The following CHST15 variants were observed in gnomAD, a reference collection of about 807,000 sequenced individuals.
CHST15 encodes the protein carbohydrate sulfotransferase 15.
A neutral mutation model predicts 53.6 loss-of-function variants in CHST15; 30 were observed. That is an observed-to-expected ratio of 0.56 (90% confidence interval 0.42 to 0.76). The LOEUF (loss-of-function observed/expected upper bound fraction) is 0.76, where lower values mean the gene tolerates loss of function less well. CHST15 is among the 30% of genes least tolerant of loss of function. CHST15 has a pLI of 0.00. For missense variants in CHST15, 627 were observed against 740.5 expected (o/e 0.85, Z 1.78); for synonymous variants, 296 against 289.8 (o/e 1.02, Z -0.22).
chr10:124,083,220 G>A (rs1199764904), intron 1 of CHST15, among the ~76,000 whole-genome samples: 1 of 152,134 alleles, frequency 6.6e-6, no homozygotes, highest in East Asian at 1.9e-4. Context: ...CACTTCTGCG[G>A]CTTCCTAAGT....
chr10:124,047,362 G>A lies in CHST15; in HGVS notation c.-512-638C>T, dbSNP rs530597543. On this transcript the variant is annotated intron_variant, in intron 1 of 7. Transcript: ENST00000435907. Reference sequence around the variant, plus strand: ...AAACTACTTGACTTTAAGTTATTAAGCAATTAAATCCAATGTATAGGATTC... The same window carrying A: ...AAACTACTTGACTTTAAGTTATTAAACAATTAAATCCAATGTATAGGATTC... Among the ~76,000 whole-genome samples the A allele has an allele frequency of 1.5e-3, 234 of 152,276 alleles. 2 individuals carry two copies. Among genetic ancestry groups the A allele is most frequent in the African/African-American group, 5.3e-3 (220 of 41,554 alleles).
intron 1 of CHST15, among the ~76,000 whole-genome samples, chr10:124,089,197 T>C (rs947204491): frequency 3.3e-5 from 5 of 152,146 alleles, no homozygotes; most frequent in African/African-American, 1.2e-4. Flanking sequence ...GCTGCGTGAT[T>C]CTCACCAGTG....
At chr10:124,055,921 G>C (rs1186269058) in intron 1 of CHST15, among the ~76,000 whole-genome samples, 1 of 152,148 alleles carries the variant, frequency 6.6e-6, no homozygotes, top group East Asian at 1.9e-4. Flanking sequence ...CAACAATGAT[G>C]GTGGGTACAC....
chr10:124,070,193 C>T (rs1948870301), intron 1 of CHST15, among the ~76,000 whole-genome samples: 2 of 152,236 alleles, frequency 1.3e-5, no homozygotes, highest in South Asian at 4.2e-4. Flanking sequence ...AGAGTAAAAA[C>T]ACAATGTAGG....
chr10:124,079,518 G>A (rs544615842), intron 1 of CHST15, among the ~76,000 whole-genome samples: 38 of 152,318 alleles, frequency 2.5e-4, no homozygotes, highest in African/African-American at 8.7e-4. Flanking sequence ...GGACCTGGGA[G>A]GCCAGAGTGC....
intron 1 of CHST15, among the ~76,000 whole-genome samples, chr10:124,063,359 G>A (rs1029622958): frequency 4.6e-5 from 7 of 152,038 alleles, no homozygotes; most frequent in Non-Finnish European, 1.5e-5. Context: ...CTCCAGCCTG[G>A]GGGGACAGAG....
At chr10:124,062,606 G>A (rs1019858485) in intron 1 of CHST15, among the ~76,000 whole-genome samples, 7 of 151,942 alleles carry the variant, frequency 4.6e-5, no homozygotes, top group African/African-American at 1.5e-4. Flanking sequence ...CTCAACAAAC[G>A]GCAACCACCA....
chr10:124,085,132 T>C (rs558044988), intron 1 of CHST15, among the ~76,000 whole-genome samples: 82 of 152,358 alleles, frequency 5.4e-4, no homozygotes, highest in Non-Finnish European at 9.7e-4. Flanking sequence ...TAGTCTGATT[T>C]GGGGTTTGGA....
intron 1 of CHST15, 131 bp downstream of exon 1, chr10:124,093,338 C>T (rs1270739131): frequency 6.6e-6 from 1 of 152,362 alleles, no homozygotes; most frequent in Non-Finnish European, 1.5e-5. Flanking sequence ...CTCCCTACGC[C>T]CAGCCCCGGC....
chr10:124,027,808 G>A (rs950998472), intron 5 of CHST15, among the ~76,000 whole-genome samples: 3 of 152,190 alleles, frequency 2.0e-5, no homozygotes, highest in African/African-American at 7.2e-5. Flanking sequence ...AAGCTCCAGG[G>A]CAGGGCTGGG....
At chr10:124,030,547 G>A (rs1037883426) in intron 5 of CHST15, among the ~76,000 whole-genome samples, 5 of 152,166 alleles carry the variant, frequency 3.3e-5, no homozygotes, top group African/African-American at 9.7e-5. Flanking sequence ...ACATCCCCAC[G>A]GCTTTCTCCT....
chr10:124,008,647 C>A lies in CHST15; in HGVS notation c.*1502G>T. On this transcript the variant is annotated 3_prime_UTR_variant, in exon 8 of 8. Transcript: ENST00000435907. Reference sequence around the variant, plus strand: ...CAGCAGAAAGACGGCTGAACAACTGCAGATCCTCCTACCCCCGAAGCCTGG... The same window carrying A: ...CAGCAGAAAGACGGCTGAACAACTGAAGATCCTCCTACCCCCGAAGCCTGG... The A allele has an allele frequency of 1.9e-6, 2 of 1,033,524 alleles. No homozygotes were observed. The highest frequency in any genetic ancestry group is 2.3e-6 in the Non-Finnish European group (2 of 856,044). 64.0% of individuals were successfully genotyped at this position (1,033,524 alleles called of 1,614,324 possible). A position where few individuals can be genotyped will look rare whatever the true frequency, so the allele number is the denominator to read the frequency against.
At position 124,074,600 on chromosome 10, in the gene CHST15, C is replaced by T. The variant is rs1340594193; in HGVS notation, c.-513+18869G>A. Reference sequence around the variant, plus strand: ...ACGTCTGCAGTCTCTGCCTCCTCTCCCTCCGCGCAGCTTCCTCCATTATGA... The same window carrying T: ...ACGTCTGCAGTCTCTGCCTCCTCTCTCTCCGCGCAGCTTCCTCCATTATGA... On this transcript the variant is annotated intron_variant, in intron 1 of 7. Coordinates refer to ENST00000435907, the MANE Select transcript of CHST15 (RefSeq NM_001270764.2). The surrounding 1 kb of genome is among the most constrained non-coding windows in gnomAD (Gnocchi z 4.4). 6.6e-6 allele frequency among the ~76,000 whole-genome samples: 1 copy of T among 152,156 alleles called. No individual in the cohort carries two copies. Among genetic ancestry groups the T allele is most frequent in the East Asian group, 1.9e-4 (1 of 5,186 alleles).
intron 5 of CHST15, among the ~76,000 whole-genome samples, chr10:124,031,381 T>C (rs1399792556): frequency 6.6e-6 from 1 of 152,214 alleles, no homozygotes; most frequent in Non-Finnish European, 1.5e-5. Flanking sequence ...ATTATGTGAA[T>C]GTCATAGAGT....
chr10:124,068,001 A>T (rs1435847832), intron 1 of CHST15, among the ~76,000 whole-genome samples: 2 of 152,222 alleles, frequency 1.3e-5, no homozygotes, highest in African/African-American at 4.8e-5. Context: ...GCAAAGTGAA[A>T]ATGATACATT....
In CHST15 at chr10:124,038,081, C is replaced by T. The variant is rs551787760; in HGVS notation, c.1190+434G>A. On this transcript the variant is annotated intron_variant, in intron 5 of 7. Transcript: ENST00000435907. ...AGAAACAGCAGTAACGTTGCAAGTT[C>T]CGTTTATTTTTGTTTGTTTTTATTT... is the stretch of plus-strand genomic sequence containing the variant. Among the ~76,000 whole-genome samples the T allele has an allele frequency of 2.1e-4, 32 of 151,892 alleles. No individual in the cohort carries two copies. The South Asian group carries it at 6.7e-3, about 32-fold the overall frequency.
At chr10:124,043,790 GGCAGGTCAGAGAA>G (rs1156999918) in intron 3 of CHST15, among the ~76,000 whole-genome samples, 1 of 152,230 alleles carries the variant, frequency 6.6e-6, no homozygotes, top group Admixed American at 6.5e-5. Flanking sequence ...AGGCAGATGG[GGCAGGTCAGAGAA>G]GCTGAGGCCT....
intron 6 of CHST15, 150 bp downstream of exon 6, chr10:124,021,106 G>A (rs1381529889): frequency 6.7e-7 from 1 of 1,497,226 alleles, no homozygotes; most frequent in Non-Finnish European, 8.9e-7. Context: ...TTACATCCAT[G>A]AATAATGGGG....
intron 1 of CHST15, among the ~76,000 whole-genome samples, chr10:124,089,364 T>C (rs1949533312): frequency 6.6e-6 from 1 of 152,180 alleles, no homozygotes. Flanking sequence ...CCAAATGGCA[T>C]CTCTGCAATC....
Sources: allele counts gnomAD v4.1 joint callset (sites outside exome capture counted in the v4.1 genomes callset), GRCh38; gene constraint gnomAD v4.1.1; non-coding constraint Gnocchi (gnomAD v3.1); transcripts MANE v1.5; gene names NCBI Gene and HGNC (gene_info 2026-07-23, HGNC 2026-07-21).